The following RAPGEF1 variants were observed in gnomAD, a reference collection of about 807,000 sequenced individuals.
RAPGEF1 encodes the protein CRK SH3-binding GNRP.
A neutral mutation model predicts 143.3 loss-of-function variants in RAPGEF1; 33 were observed. The ratio of observed to expected loss-of-function variants is 0.23; its 90% CI spans 0.17 to 0.31. The LOEUF is 0.31. RAPGEF1 is among the 10% of genes least tolerant of loss of function. The pLI is 1.00. For missense variants in RAPGEF1, 1,199 were observed against 1,645.4 expected (o/e 0.73, Z 4.69); for synonymous variants, 629 against 676.5 (o/e 0.93, Z 1.09).
chr9:131,612,514 T>C (rs1958182492), intron 12 of RAPGEF1, among the ~76,000 whole-genome samples: 1 of 152,200 alleles, frequency 6.6e-6, no homozygotes, highest in Non-Finnish European at 1.5e-5. Flanking sequence ...GTCCTGCTGC[T>C]GAGATGGGCA....
At position 131,630,223 on chromosome 9, in the gene RAPGEF1, A is replaced by C. The variant is rs368300502; in HGVS notation, c.740+13T>G. On this transcript the variant is annotated intron_variant, in intron 6 of 26. Coordinates refer to ENST00000683357, the MANE Select transcript of RAPGEF1 (RefSeq NM_001377935.1). ...GCGTGACACCCGCGACACGAGGGTT[A>C]GTCAGCACCTACCCATCAGGCTTGC... The C allele has an allele frequency of 1.7e-4, 268 of 1,609,638 alleles. No homozygotes were observed. The highest frequency in any genetic ancestry group is 2.2e-4 in the Non-Finnish European group (257 of 1,177,054).
At chr9:131,663,069 G>A (rs1018900445) in intron 1 of RAPGEF1, among the ~76,000 whole-genome samples, 3 of 151,146 alleles carry the variant, frequency 2.0e-5, no homozygotes, top group Admixed American at 6.6e-5. Flanking sequence ...TTCGTCAACC[G>A]TTAACATTCT....
At position 131,602,040 on chromosome 9, in the gene RAPGEF1, T is replaced by A. The variant is rs756332768; in HGVS notation, c.2501+21A>T. 13 of 1,560,398 alleles carry A rather than the reference T, an allele frequency of 8.3e-6. No homozygotes were observed. In the Middle Eastern group the frequency reaches 5.0e-4, roughly 60 times the overall value. On this transcript the variant is annotated intron_variant, in intron 15 of 26. Transcript: ENST00000683357. Reference sequence around the variant, plus strand: ...GCGCACTGCTCTCGGGGGACCCAGCTCCTCTGGGTCCACTTCCTACCTCTC... The same window carrying A: ...GCGCACTGCTCTCGGGGGACCCAGCACCTCTGGGTCCACTTCCTACCTCTC...
rs1369689615 is a variant in RAPGEF1, at chr9:131,697,176, C to A, written c.61+42594G>T. Among the ~76,000 whole-genome samples, 4 of 144,222 alleles carry A rather than the reference C, an allele frequency of 2.8e-5. No homozygotes were observed. The East Asian group carries it at 8.1e-4, about 29-fold the overall frequency. The allele number at this position is 144,222 out of a possible 152,430, so 94.6% of individuals were successfully genotyped here. ...GACAGCAGCCCTCTGCTGGCCCAGG[C>A]TTCTCCTCCATCCCTTCTCGCTCCC... On this transcript the variant is annotated intron_variant, in intron 1 of 26. Coordinates refer to ENST00000683357, the MANE Select transcript of RAPGEF1 (RefSeq NM_001377935.1).
intron 14 of RAPGEF1, among the ~76,000 whole-genome samples, chr9:131,603,744 C>T (rs1224976808): frequency 6.6e-6 from 1 of 152,200 alleles, no homozygotes; most frequent in African/African-American, 2.4e-5. Context: ...GTGCCACACG[C>T]ACTGAAGCAG....
intron 3 of RAPGEF1, among the ~76,000 whole-genome samples, chr9:131,647,979 C>A (rs1056294371): frequency 2.6e-5 from 4 of 151,900 alleles, no homozygotes; most frequent in African/African-American, 9.7e-5. Flanking sequence ...ATGGCAACAA[C>A]CAAAAATGTC....
At chr9:131,590,186 G>A (rs1026869414) in intron 18 of RAPGEF1, among the ~76,000 whole-genome samples, 8 of 152,138 alleles carry the variant, frequency 5.3e-5, no homozygotes. Context: ...CCCCAGGGAT[G>A]CCCCCGGCTG....
At position 131,579,539 on chromosome 9, in the gene RAPGEF1, C is replaced by T. The variant is rs1302628010; in HGVS notation, c.3750G>A (p.Arg1250=). The change falls in exon 27 of 27, where the codon AGG becomes AGA. Residue 1250 remains arginine (R), a synonymous_variant. Transcript: ENST00000683357. ...GGTCTGTTTTTCTCCTTGTTATGTT[C>T]CTGGGTTTAATTTTCAGAGACAGTT... The part of the protein sequence containing the change: ...LWELSLKIKP[R]NITRRKTDRE... The T allele has an allele frequency of 3.7e-6, 6 of 1,614,038 alleles. No individual in the cohort carries two copies. The highest frequency in any genetic ancestry group is 1.3e-5 in the African/African-American group (1 of 75,074).
chr9:131,630,314 C>A lies in RAPGEF1; in HGVS notation c.662G>T (p.Arg221Met). The A allele has an allele frequency of 1.2e-6, 2 of 1,613,832 alleles. No individual in the cohort carries two copies. The highest frequency in any genetic ancestry group is 2.2e-5 in the South Asian group (2 of 91,056). Residue 221 changes from arginine to methionine, a missense_variant, in exon 6 of 27, where the codon AGG (arginine) becomes ATG (methionine). Around this residue, in one of 6 missense-constraint regions of RAPGEF1, gnomAD observed 613 missense variants for 710.9 expected, o/e 0.86. Transcript: ENST00000683357. ...AVLDGVKELV[R>M]LTIEKQGRPS... The stretch of plus-strand genomic sequence containing the variant: ...ACGTCCCTGCTTCTCGATGGTGAGC[C>A]TGACCAGCTCCTACCCCCACAAGAA...
chr9:131,705,635 C>T (rs964209315), intron 1 of RAPGEF1, among the ~76,000 whole-genome samples: 4 of 152,128 alleles, frequency 2.6e-5, no homozygotes, highest in African/African-American at 4.8e-5. Flanking sequence ...TTCTCGACCA[C>T]GAGAAGCATC....
intron 4 of RAPGEF1, among the ~76,000 whole-genome samples, chr9:131,639,433 G>GGCGAGT (rs2133249497): frequency 1.6e-5 from 1 of 63,470 alleles, no homozygotes; most frequent in African/African-American, 7.2e-5. Flanking sequence ...TGGGAACGCA[G>GGCGAGT]GTGAGTGTGT....
intron 1 of RAPGEF1, chr9:131,709,769 GA>G: frequency 6.2e-7 from 1 of 1,600,216 alleles, no homozygotes; most frequent in Non-Finnish European, 8.5e-7. Context: ...GCTGAAAGGG[GA>G]TATCTCTTGG....
rs1350275680 is a variant in RAPGEF1 at position 131,596,201 on chromosome 9, G to A, written c.2689+97C>T. On this transcript the variant is annotated intron_variant, in intron 17 of 26. Coordinates refer to ENST00000683357, the MANE Select transcript of RAPGEF1 (RefSeq NM_001377935.1). ...AGGACTGCTGATCAGACCTGCTCAG[G>A]GCTGTGGCTGCCAGGAGGGGACAGG... The A allele has an allele frequency of 5.2e-6, 6 of 1,164,182 alleles. No individual in the cohort carries two copies. In the East Asian group the frequency reaches 1.5e-4, roughly 28 times the overall value. 72.1% of individuals were successfully genotyped at this position (1,164,182 alleles called of 1,614,324 possible). A position where few individuals can be genotyped will look rare whatever the true frequency, so the allele number is the denominator to read the frequency against.
At chr9:131,736,766 A>C (rs13302530) in intron 1 of RAPGEF1, among the ~76,000 whole-genome samples, 33,806 of 152,160 alleles carry the variant, frequency 0.22, 4,316 homozygotes, top group Non-Finnish European at 0.29. Flanking sequence ...TTCTACTTTC[A>C]GGGAGAGGAG....
chr9:131,708,757 A>C (rs1030108732), intron 1 of RAPGEF1, among the ~76,000 whole-genome samples: 1 of 144,480 alleles, frequency 6.9e-6, no homozygotes, highest in Non-Finnish European at 1.5e-5. Flanking sequence ...TTTTTGAGAC[A>C]GTTTCACTCT....
At chr9:131,700,061 C>T (rs1043360900) in intron 1 of RAPGEF1, among the ~76,000 whole-genome samples, 3 of 152,212 alleles carry the variant, frequency 2.0e-5, no homozygotes, top group Admixed American at 1.3e-4. Flanking sequence ...AGCTCTCCTG[C>T]TTCGAAAGTC....
At chr9:131,732,624 C>A (rs1291011000) in intron 1 of RAPGEF1, among the ~76,000 whole-genome samples, 2 of 152,112 alleles carry the variant, frequency 1.3e-5, no homozygotes, top group Non-Finnish European at 2.9e-5. Context: ...AAACACAGAA[C>A]CCCCAACTAA....
chr9:131,638,999 T>G (rs970975739), intron 4 of RAPGEF1, among the ~76,000 whole-genome samples: 2 of 152,130 alleles, frequency 1.3e-5, no homozygotes, highest in African/African-American at 4.8e-5. Flanking sequence ...AATCTGTGTT[T>G]CAAAATTTTT....
chr9:131,658,196 A>G (rs1168872874), intron 1 of RAPGEF1, among the ~76,000 whole-genome samples: 1 of 152,218 alleles, frequency 6.6e-6, no homozygotes, highest in Non-Finnish European at 1.5e-5. Flanking sequence ...AGATATTGCA[A>G]AACAATTCTC....
Sources: allele counts gnomAD v4.1 joint callset (sites outside exome capture counted in the v4.1 genomes callset), GRCh38; gene constraint gnomAD v4.1.1; regional missense constraint gnomAD v4.1.1; transcripts MANE v1.5; gene names NCBI Gene and HGNC (gene_info 2026-07-23, HGNC 2026-07-21).